The following ADGRG1 variants were observed in gnomAD, a reference collection of about 807,000 sequenced individuals.
The protein encoded by ADGRG1 is 7-transmembrane protein with no EGF-like N-terminal domains-1.
ADGRG1 carries 53 observed loss-of-function variants against 73.5 expected under a neutral mutation model. The observed-to-expected ratio is 0.72, with a 90% CI of 0.58 to 0.91. ADGRG1 has a LOEUF of 0.91. Among genes scored for constraint, ADGRG1 ranks in the 40% least tolerant of loss-of-function variants. ADGRG1 has a pLI of 0.00. For missense variants in ADGRG1, 795 were observed against 871.8 expected, an observed-to-expected ratio of 0.91 and a Z score of 1.11; for synonymous variants, 394 against 374.4, an observed-to-expected ratio of 1.05 and a Z score of -0.60.
chr16:57,657,446 C>G lies in ADGRG1; in HGVS notation c.1241C>G (p.Ser414Cys), dbSNP rs1406411868. Residue 414 changes from serine to cysteine, a missense_variant, in exon 10 of 14, where the codon TCT becomes TGT. Physicochemically the swap from Ser to Cys is moderately radical, Grantham distance 112. Coordinates refer to ENST00000562631, the MANE Select transcript of ADGRG1 (RefSeq NM_201525.4). ...CTCTCCTACGTGGGCTGTGTCGTCT[C>G]TGCCCTGGCCTGCCTTGTCACCATT... The part of the protein sequence containing the change: ...SLLSYVGCVV[S>C]ALACLVTIAA... 2 of 1,614,040 alleles carry G rather than the reference C, an allele frequency of 1.2e-6. No homozygotes were observed. The highest frequency in any genetic ancestry group is 2.7e-5 in the African/African-American group (2 of 74,948).
chr16:57,660,419 C>A (rs1334959690), intron 11 of ADGRG1: 22 of 979,568 alleles, frequency 2.2e-5, no homozygotes, highest in Middle Eastern at 5.2e-4. Flanking sequence ...GCAGACGTCC[C>A]CTGATGGCAG....
At chr16:57,630,312 G>A (rs2037427085) in intron 1 of ADGRG1, 2 of 956,934 alleles carry the variant, frequency 2.1e-6, no homozygotes, top group African/African-American at 1.8e-5. Flanking sequence ...GGGTCCTGTT[G>A]GGCTCTTTCC....
At chr16:57,659,112 C>T (rs539825068) in intron 10 of ADGRG1, 59 of 985,290 alleles carry the variant, frequency 6.0e-5, no homozygotes, top group African/African-American at 3.7e-4. Flanking sequence ...AAAGTGTTTC[C>T]GCTCTGACTT....
rs543669798 is a variant in ADGRG1, at chr16:57,638,960, C to T, written c.-36+10158C>T. Among the ~76,000 whole-genome samples the T allele has an allele frequency of 2.4e-4, 36 of 152,120 alleles. No homozygotes were observed. In the South Asian group the frequency reaches 5.2e-3, roughly 22 times the overall value. ...TGGTGGGCACCTGTAGTCCCAGCTA[C>T]TCGGGAGGCTGAGGCAGGAGAATCG... is the stretch of plus-strand genomic sequence containing the variant. On this transcript the variant is annotated intron_variant, in intron 1 of 13. Transcript: ENST00000562631.
upstream of ADGRG1, chr16:57,627,921 A>G (rs2036171618): frequency 1.9e-5 from 18 of 970,228 alleles, no homozygotes; most frequent in Non-Finnish European, 2.2e-5. Context: ...ATGGCTCTTC[A>G]CCCAGGCCTC....
At chr16:57,657,605 T>C (rs1424145201) in intron 10 of ADGRG1, 114 bp downstream of exon 10, 1 of 862,930 alleles carries the variant, frequency 1.2e-6, no homozygotes, top group African/African-American at 1.6e-5. Context: ...GAACTGTGTG[T>C]GTGGTTAGGG....
At chr16:57,663,305 G>T (rs542626992) in intron 13 of ADGRG1, 147 bp from the exon 14 acceptor site, 4 of 1,520,772 alleles carry the variant, frequency 2.6e-6, no homozygotes, top group Non-Finnish European at 3.5e-6. Context: ...GGAGGTGCTC[G>T]CTGGGTCTCA....
In ADGRG1 at chr16:57,641,629, G is replaced by C. The variant is rs886563689; in HGVS notation, c.-35-8624G>C. 4 of 875,182 alleles carry C rather than the reference G, an allele frequency of 4.6e-6. No individual in the cohort carries two copies. In the African/African-American group the frequency reaches 7.5e-5, roughly 16 times the overall value. 54.2% of individuals were successfully genotyped at this position (875,182 alleles called of 1,614,324 possible). ...CACACAGGCTGGAGTGCAGTGGTGT[G>C]ATCTTGGCTCATCGTAACCTCCACC... On this transcript the variant is annotated intron_variant, in intron 1 of 13. Coordinates refer to ENST00000562631, the MANE Select transcript of ADGRG1 (RefSeq NM_201525.4).
chr16:57,662,173 G>A (rs1368602978), intron 13 of ADGRG1, among the ~76,000 whole-genome samples: 1 of 152,224 alleles, frequency 6.6e-6, no homozygotes, highest in Non-Finnish European at 1.5e-5. Flanking sequence ...AGGGCTTATG[G>A]CTGAGCTGGT....
intron 1 of ADGRG1, chr16:57,632,693 G>C: frequency 1.3e-6 from 1 of 791,666 alleles, no homozygotes; most frequent in African/African-American, 1.9e-5. Context: ...TCGGGCTCCC[G>C]AGCTGGCGCC....
At chr16:57,662,019 G>C in intron 13 of ADGRG1, 54 bp downstream of exon 13, 1 of 1,422,040 alleles carries the variant, frequency 7.0e-7, no homozygotes, top group Non-Finnish European at 1.0e-6. Context: ...CATGGAGCAA[G>C]GGCAGGGAAG....
intron 1 of ADGRG1, chr16:57,632,889 A>T: frequency 1.0e-6 from 1 of 985,420 alleles, no homozygotes; most frequent in Non-Finnish European, 1.2e-6. Flanking sequence ...TGGCCTGAAA[A>T]GTTCTGCGGT....
At position 57,651,610 on chromosome 16, in the gene ADGRG1, T is replaced by C. The variant is rs199902692; in HGVS notation, c.475T>C (p.Phe159Leu). The C allele has an allele frequency of 6.2e-7, 1 of 1,613,744 alleles. No individual in the cohort carries two copies. The highest frequency in any genetic ancestry group is 2.2e-5 in the East Asian group (1 of 44,886). ...ISLPSAASFT[F>L]SFHSPPHTAA... ...CCTGCCCAGTGCCGCCAGCTTCACC[T>C]TCTCCTTCCACAGTAAGGCAACTTC... The change falls in exon 3 of 14, where the codon TTC becomes CTC. Residue 159 changes from phenylalanine to leucine, a missense_variant. Phe to Leu is a conservative substitution (Grantham distance 22). Transcript: ENST00000562631.
Position 57,633,548 on chromosome 16 carries a change from G to T in ADGRG1, c.-36+4746G>T, listed in dbSNP as rs558879898. On this transcript the variant is annotated intron_variant, in intron 1 of 13. Transcript: ENST00000562631. ...GGCAGCACGAGGTGGGCTGTTAGGG[G>T]TGTGGGCTCTGGGGCTGCCTGATTC... 3.1e-6 allele frequency: 3 copies of T among 983,298 alleles called. No homozygotes were observed. The African/African-American group carries it at 5.2e-5, about 17-fold the overall frequency. The allele number at this position is 983,298 out of a possible 1,614,324, so 60.9% of individuals were successfully genotyped here. A position where few individuals can be genotyped will look rare whatever the true frequency, so the allele number is the denominator to read the frequency against.
chr16:57,657,318 C>T, intron 9 of ADGRG1, 55 bp from the exon 10 acceptor site: 1 of 1,612,744 alleles, frequency 6.2e-7, no homozygotes. Flanking sequence ...CAGGGCAAGC[C>T]TCCAGGTTGT....
At chr16:57,644,303 ACACT>A (rs2147877307) in intron 1 of ADGRG1, 3 of 542,712 alleles carry the variant, frequency 5.5e-6, no homozygotes, top group African/African-American at 2.1e-5. Context: ...GCTCAGGCAC[ACACT>A]CATGCACACA....
At chr16:57,662,712 A>G (rs9927721) in intron 13 of ADGRG1, among the ~76,000 whole-genome samples, 53,726 of 151,758 alleles carry the variant, frequency 0.35, 10,952 homozygotes, top group East Asian at 0.64. Flanking sequence ...GAGAGGTGGG[A>G]TCCCAGGGCA....
chr16:57,654,053 G>A lies in ADGRG1; in HGVS notation c.688G>A (p.Glu230Lys). 6.2e-7 allele frequency: 1 copy of A among 1,614,060 alleles called. No individual in the cohort carries two copies. Among genetic ancestry groups the A allele is most frequent in the Non-Finnish European group, 8.5e-7 (1 of 1,180,010 alleles). Residue 230 changes from glutamate (E) to lysine (K), a missense_variant, in exon 5 of 14, where the codon GAG (glutamate) becomes AAG (lysine). Coordinates refer to ENST00000562631, the MANE Select transcript of ADGRG1 (RefSeq NM_201525.4). ...RFMGDMVSFE[E>K]DRINATVWKL... ...CATGGGGGACATGGTGTCCTTCGAG[G>A]AGGACCGGATCAACGCCACGGTGTG...
In ADGRG1 at chr16:57,651,538, C is replaced by T; in HGVS notation, c.403C>T (p.Leu135=). 2.5e-6 allele frequency: 4 copies of T among 1,614,232 alleles called. No individual in the cohort carries two copies. Among genetic ancestry groups the T allele is most frequent in the Non-Finnish European group, 3.4e-6 (4 of 1,180,040 alleles). ...GGAGAGCCTGGCTCAGGGCCCCCCG[C>T]TGTTAGCCACTTCTGTCACCTCCTG... The part of the protein sequence containing the change: ...QEESLAQGPP[L]LATSVTSWWS... Residue 135 remains leucine, a synonymous_variant, in exon 3 of 14, where the codon CTG becomes TTG. Coordinates refer to ENST00000562631, the MANE Select transcript of ADGRG1 (RefSeq NM_201525.4).
Sources: allele counts gnomAD v4.1 joint callset (sites outside exome capture counted in the v4.1 genomes callset), GRCh38; gene constraint gnomAD v4.1.1; transcripts MANE v1.5; gene names NCBI Gene and HGNC (gene_info 2026-07-23, HGNC 2026-07-21).